PAX5: variants seen among roughly 807,000 people sequenced by gnomAD.
The protein encoded by PAX5 is paired box protein Pax-5.
PAX5 carries 9 observed loss-of-function variants against 43.7 expected under a neutral mutation model. That is an observed-to-expected ratio of 0.21 (90% CI 0.12 to 0.36). The LOEUF (loss-of-function observed/expected upper bound fraction) is 0.36, where lower values mean the gene tolerates loss of function less well. PAX5 is among the 10% of genes least tolerant of loss of function. The pLI is 1.00. For synonymous variants in PAX5, 228 were observed against 214.3 expected, an observed-to-expected ratio of 1.06 and a Z score of -0.56; for missense variants, 383 against 532.7, an observed-to-expected ratio of 0.72 and a Z score of 2.77.
intron 6 of PAX5, among the ~76,000 whole-genome samples, chr9:36,962,096 G>A (rs761683894): frequency 3.3e-5 from 5 of 152,212 alleles, no homozygotes; most frequent in Non-Finnish European, 4.4e-5. Flanking sequence ...GGCAGGCTCC[G>A]AGCTAACAGC....
At chr9:36,987,650 A>G (rs1356946693) in intron 5 of PAX5, among the ~76,000 whole-genome samples, 1 of 152,142 alleles carries the variant, frequency 6.6e-6, no homozygotes, top group Non-Finnish European at 1.5e-5. Context: ...CCCTCTCCCC[A>G]TTCTTTGGGG....
At chr9:36,850,634 G>A (rs940539448) in intron 8 of PAX5, among the ~76,000 whole-genome samples, 17 of 152,108 alleles carry the variant, frequency 1.1e-4, no homozygotes, top group Non-Finnish European at 2.2e-4. Flanking sequence ...CTGGAATTGG[G>A]AAACTTTTCT....
chr9:36,845,427 G>A (rs932510069), intron 9 of PAX5, among the ~76,000 whole-genome samples: 3 of 152,208 alleles, frequency 2.0e-5, no homozygotes, highest in Non-Finnish European at 4.4e-5. Context: ...GGATATCTTG[G>A]TTCGATACTT....
chr9:37,027,303 C>T (rs2132543442), intron 1 of PAX5, among the ~76,000 whole-genome samples: 1 of 152,362 alleles, frequency 6.6e-6, no homozygotes, highest in African/African-American at 2.4e-5. Context: ...CTGAGACCCG[C>T]TGCCTTCAAA....
intron 2 of PAX5, among the ~76,000 whole-genome samples, chr9:37,019,513 C>G (rs1468218894): frequency 6.6e-6 from 1 of 152,166 alleles, no homozygotes; most frequent in African/African-American, 2.4e-5. Context: ...GCAGCCTCCC[C>G]AAGGTTATTA....
At chr9:36,934,114 CA>C (rs1424991364) in intron 6 of PAX5, among the ~76,000 whole-genome samples, 2 of 152,216 alleles carry the variant, frequency 1.3e-5, no homozygotes, top group Non-Finnish European at 1.5e-5. Context: ...TGAGGAATTC[CA>C]CCGGGTCTGG....
At chr9:37,029,030 C>G (rs900302976) in intron 1 of PAX5, among the ~76,000 whole-genome samples, 6 of 152,180 alleles carry the variant, frequency 3.9e-5, no homozygotes, top group East Asian at 3.8e-4. Context: ...GGCTCAAGAA[C>G]GACGCTGAGG....
chr9:36,863,115 C>A (rs1824386547), intron 8 of PAX5, among the ~76,000 whole-genome samples: 1 of 152,184 alleles, frequency 6.6e-6, no homozygotes, highest in Non-Finnish European at 1.5e-5. Flanking sequence ...CCAGGGGAAA[C>A]TTTAAGACAA....
chr9:36,890,098 G>A (rs188174484), intron 7 of PAX5, among the ~76,000 whole-genome samples: 144 of 152,190 alleles, frequency 9.5e-4, no homozygotes, highest in South Asian at 1.9e-3. Flanking sequence ...CCAGTCCTTC[G>A]CTTCAAACCC....
chr9:36,926,201 A>G (rs1830626855), intron 6 of PAX5, among the ~76,000 whole-genome samples: 1 of 152,112 alleles, frequency 6.6e-6, no homozygotes. Context: ...TGACTCCAAA[A>G]CCTTGACAAT....
At chr9:36,966,023 T>C (rs927228039) in intron 6 of PAX5, among the ~76,000 whole-genome samples, 2 of 152,206 alleles carry the variant, frequency 1.3e-5, no homozygotes, top group Admixed American at 6.5e-5. Flanking sequence ...AGGTGGGAGT[T>C]TGTGCAATGA....
intron 1 of PAX5, chr9:37,026,647 G>A: frequency 7.4e-7 from 1 of 1,350,708 alleles, no homozygotes; most frequent in Non-Finnish European, 9.7e-7. Context: ...AGGGCGGATA[G>A]GGAGCCTCGC....
intron 6 of PAX5, among the ~76,000 whole-genome samples, chr9:36,944,692 G>A (rs988150910): frequency 4.6e-5 from 7 of 152,288 alleles, no homozygotes; most frequent in East Asian, 3.9e-4. Context: ...TGCCGAATGC[G>A]CTTCAGATCC....
intron 7 of PAX5, among the ~76,000 whole-genome samples, chr9:36,890,702 A>G (rs1827303126): frequency 6.6e-6 from 1 of 152,210 alleles, no homozygotes; most frequent in African/African-American, 2.4e-5. Context: ...CAGATATGGC[A>G]GTGCCTGCTC....
intron 8 of PAX5, among the ~76,000 whole-genome samples, chr9:36,848,652 G>T (rs983100105): frequency 6.6e-6 from 1 of 152,146 alleles, no homozygotes; most frequent in Non-Finnish European, 1.5e-5. Context: ...AGCACCCGTG[G>T]ACCTGCCCTA....
intron 2 of PAX5, among the ~76,000 whole-genome samples, chr9:37,018,905 C>T (rs1370830504): frequency 6.6e-6 from 1 of 152,128 alleles, no homozygotes; most frequent in East Asian, 1.9e-4. Context: ...ACATGAGGAC[C>T]ACATGTTTGG....
intron 5 of PAX5, among the ~76,000 whole-genome samples, chr9:36,979,612 T>A (rs1338593836): frequency 6.6e-6 from 1 of 152,144 alleles, no homozygotes; most frequent in South Asian, 2.1e-4. Context: ...ATTTTGCAGA[T>A]GAGAAAATGG....
intron 8 of PAX5, among the ~76,000 whole-genome samples, chr9:36,862,834 C>G (rs1824352239): frequency 6.6e-6 from 1 of 152,206 alleles, no homozygotes; most frequent in African/African-American, 2.4e-5. Flanking sequence ...TCATGAGCTC[C>G]CACCTACTCT....
chr9:36,956,004 C>G (rs1007062393), intron 6 of PAX5, among the ~76,000 whole-genome samples: 2 of 152,164 alleles, frequency 1.3e-5, no homozygotes, highest in African/African-American at 4.8e-5. Context: ...TTAAGTCAAA[C>G]TTCCGACACA....
Sources: gnomAD v4.1 joint callset for allele counts (sites outside exome capture counted in the v4.1 genomes callset) on GRCh38, gnomAD v4.1.1 for gene constraint, MANE v1.5 for transcripts, NCBI Gene and HGNC (gene_info 2026-07-23, HGNC 2026-07-21) for gene names.